Variants in DRAXIN observed in about 807,000 individuals in gnomAD.
DRAXIN encodes the protein dorsal inhibitory axon guidance protein.
DRAXIN carries 27 observed loss-of-function variants against 33.9 expected under a neutral mutation model. The observed-to-expected ratio is 0.80, with a 90% CI of 0.59 to 1.10. The LOEUF is 1.10. Ranked by LOEUF, DRAXIN falls within the 50% of genes least tolerant of loss-of-function variation. The pLI is 0.00. For synonymous variants in DRAXIN, 178 were observed against 194.0 expected (o/e 0.92, Z 0.69); for missense variants, 371 against 460.8 (o/e 0.81, Z 1.78).
At chr1:11,688,638 C>A (rs1252861535), upstream of DRAXIN, among the ~76,000 whole-genome samples, 1 of 152,100 alleles carries the variant, frequency 6.6e-6, no homozygotes, top group Non-Finnish European at 1.5e-5. This position sits in a 1 kb window ranked among gnomAD's most constrained non-coding sequence, Gnocchi z 4.6. Context: ...GCTCATGGTC[C>A]CTCTAAAAAG....
chr1:11,710,184 C>CA (rs34519157), intron 3 of DRAXIN, among the ~76,000 whole-genome samples: 291 of 122,450 alleles, frequency 2.4e-3, no homozygotes, highest in Non-Finnish European at 3.3e-3. Flanking sequence ...GACTTTGTCT[C>CA]AAAAAAAAAA....
chr1:11,712,173 T>A (rs908267641), intron 4 of DRAXIN, among the ~76,000 whole-genome samples, 167 bp from the exon 5 acceptor site: 1 of 152,136 alleles, frequency 6.6e-6, no homozygotes, highest in Non-Finnish European at 1.5e-5. Flanking sequence ...CACGCTTCCA[T>A]GTTTCCACTC....
chr1:11,687,108 T>C (rs1640971643), upstream of DRAXIN, among the ~76,000 whole-genome samples: 1 of 152,184 alleles, frequency 6.6e-6, no homozygotes, highest in Non-Finnish European at 1.5e-5. This position sits in a 1 kb window ranked among gnomAD's most constrained non-coding sequence, Gnocchi z 4.1. Context: ...CTCTGTCATC[T>C]AGGCTGGAGT....
chr1:11,698,049 C>G (rs1171448093), intron 1 of DRAXIN, among the ~76,000 whole-genome samples: 1 of 152,084 alleles, frequency 6.6e-6, no homozygotes, highest in Non-Finnish European at 1.5e-5. Flanking sequence ...ATACCCGGAA[C>G]ACCACCACCA....
rs1641097849 is a variant in DRAXIN at position 11,692,692 on chromosome 1, C to G, written c.-11+839C>G. Among the ~76,000 whole-genome samples, 1 of 152,186 alleles carries G rather than the reference C, an allele frequency of 6.6e-6. No homozygotes were observed. The highest frequency in any genetic ancestry group is 1.5e-5 in the Non-Finnish European group (1 of 68,038). The stretch of plus-strand genomic sequence containing the variant: ...GCCATCCTCTCCGCCCGGTGGTCTC[C>G]CCTGCCCTATATGCTCCCTCCACGC... On this transcript the variant is annotated intron_variant, in intron 1 of 6. Transcript: ENST00000294485. This position sits in a 1 kb window ranked among gnomAD's most constrained non-coding sequence, Gnocchi z 5.8.
At chr1:11,711,208 GT>G (rs1483607265) in intron 3 of DRAXIN, among the ~76,000 whole-genome samples, 1 of 152,244 alleles carries the variant, frequency 6.6e-6, no homozygotes, top group Non-Finnish European at 1.5e-5. Flanking sequence ...CCTTGAGATT[GT>G]GATAAAAGCT....
intron 1 of DRAXIN, among the ~76,000 whole-genome samples, chr1:11,702,096 C>G (rs1034152342): frequency 2.6e-4 from 19 of 73,572 alleles, no homozygotes; most frequent in Non-Finnish European, 1.8e-4. Flanking sequence ...CACACATGCT[C>G]TCACACACGC....
Position 11,700,827 on chromosome 1 carries a change from C to G in DRAXIN, c.-10-5422C>G, listed in dbSNP as rs55689115. On this transcript the variant is annotated intron_variant, in intron 1 of 6. Coordinates refer to ENST00000294485, the MANE Select transcript of DRAXIN (RefSeq NM_198545.4). ...CTTGGCCAGCCATGACTTGCTCCCCCCAACCCACTATGCAACAGGAAGGCC... is the reference window on the plus strand; with the variant it reads ...CTTGGCCAGCCATGACTTGCTCCCCGCAACCCACTATGCAACAGGAAGGCC... 3.5e-3 allele frequency among the ~76,000 whole-genome samples: 535 copies of G among 152,308 alleles called. 2 individuals carry two copies. Among genetic ancestry groups the G allele is most frequent in the African/African-American group, 0.012 (491 of 41,562 alleles).
chr1:11,699,772 C>G (rs1164266801), intron 1 of DRAXIN, among the ~76,000 whole-genome samples: 1 of 151,460 alleles, frequency 6.6e-6, no homozygotes, highest in Non-Finnish European at 1.5e-5. Context: ...ACTAAAAATA[C>G]AAGAATTAGC....
upstream of DRAXIN, among the ~76,000 whole-genome samples, chr1:11,687,308 C>T (rs556613586): frequency 2.0e-5 from 3 of 152,220 alleles, no homozygotes; most frequent in East Asian, 1.9e-4. The surrounding 1 kb of genome is among the most constrained non-coding windows in gnomAD (Gnocchi z 4.1). Flanking sequence ...GGTGCAATCT[C>T]GGCTCAATGA....
chr1:11,716,449 A>G (rs1641579236), intron 6 of DRAXIN, among the ~76,000 whole-genome samples: 1 of 152,230 alleles, frequency 6.6e-6, no homozygotes, highest in African/African-American at 2.4e-5. Context: ...AGTTCCATCC[A>G]ATATCAAATC....
At position 11,692,402 on chromosome 1, in the gene DRAXIN, G is replaced by A. The variant is rs1641089582; in HGVS notation, c.-11+549G>A. On this transcript the variant is annotated intron_variant, in intron 1 of 6. Transcript: ENST00000294485. This position sits in a 1 kb window ranked among gnomAD's most constrained non-coding sequence, Gnocchi z 5.8. ...GCTGGGGTGTGTGGCCGGGGTCGCT[G>A]AGTGCGCCCGGAACCAGCACCGCCG... is the stretch of plus-strand genomic sequence containing the variant. 1.3e-5 allele frequency among the ~76,000 whole-genome samples: 2 copies of A among 152,156 alleles called. No homozygotes were observed. The highest frequency in any genetic ancestry group is 4.8e-5 in the African/African-American group (2 of 41,424).
Position 11,692,951 on chromosome 1 carries a change from AG to A in DRAXIN, c.-11+1102del, listed in dbSNP as rs1285468785. 9.8e-6 allele frequency among the ~76,000 whole-genome samples: 1 copy of A among 102,534 alleles called. No individual in the cohort carries two copies. The highest frequency in any genetic ancestry group is 2.0e-5 in the Non-Finnish European group (1 of 48,928). The allele number at this position is 102,534 out of a possible 152,430, so 67.3% of individuals were successfully genotyped here. ...GTTCACACACCCTGTGGAGGAAGGG[AG>A]GGGAGGGGAGGGGAGTCTACAGACC... On this transcript the variant is annotated intron_variant, in intron 1 of 6. Transcript: ENST00000294485. This position sits in a 1 kb window ranked among gnomAD's most constrained non-coding sequence, Gnocchi z 5.8.
intron 1 of DRAXIN, among the ~76,000 whole-genome samples, chr1:11,701,715 G>C (rs1378513740): frequency 6.6e-6 from 1 of 152,128 alleles, no homozygotes; most frequent in Non-Finnish European, 1.5e-5. Flanking sequence ...AACCCGGGCC[G>C]GGCAGAACCG....
In DRAXIN at chr1:11,719,705, C is replaced by T. The variant is rs12117076; in HGVS notation, c.*9C>T. ...CCTTCATCAACGTCTAGCGGCCCCG[C>T]GGGACTGGGGACTGAGCCCAGGAGG... On this transcript the variant is annotated 3_prime_UTR_variant, in exon 7 of 7. Transcript: ENST00000294485. The T allele has an allele frequency of 0.31, 498,833 of 1,610,814 alleles. 82,287 individuals are homozygous for T. The highest frequency in any genetic ancestry group is 0.34 in the Non-Finnish European group (402,925 of 1,177,834).
intron 5 of DRAXIN, 121 bp from the exon 6 acceptor site, chr1:11,714,998 A>AC (rs1641553111): frequency 8.5e-7 from 1 of 1,178,858 alleles, no homozygotes; most frequent in South Asian, 1.3e-5. Flanking sequence ...CAGATGGCCC[A>AC]CCCCGCCAGG....
chr1:11,700,071 T>C (rs1044444502), intron 1 of DRAXIN, among the ~76,000 whole-genome samples: 3 of 152,086 alleles, frequency 2.0e-5, no homozygotes, highest in African/African-American at 7.2e-5. Flanking sequence ...ATCCTGTCTC[T>C]ATTAAAAACA....
rs187455405 is a variant in DRAXIN, at chr1:11,714,710, C to T, written c.848-409C>T. Among the ~76,000 whole-genome samples, 109 of 152,366 alleles carry T rather than the reference C, an allele frequency of 7.2e-4. 1 individual carries two copies. The East Asian group carries it at 0.019, about 26-fold the overall frequency. On this transcript the variant is annotated intron_variant, in intron 5 of 6. Transcript: ENST00000294485. The stretch of plus-strand genomic sequence containing the variant: ...CCGACTGGACAGTCGCTCTGGGAGC[C>T]GGCTCCATGGCAGGTGCCCAGGACT...
chr1:11,695,867 G>A (rs927094367), intron 1 of DRAXIN, among the ~76,000 whole-genome samples: 4 of 152,094 alleles, frequency 2.6e-5, no homozygotes, highest in Admixed American at 1.3e-4. Flanking sequence ...GCAGGTGAGC[G>A]GGGAATGCTG....
Sources: allele counts gnomAD v4.1 joint callset (sites outside exome capture counted in the v4.1 genomes callset), GRCh38; gene constraint gnomAD v4.1.1; non-coding constraint Gnocchi (gnomAD v3.1); transcripts MANE v1.5; gene names NCBI Gene and HGNC (gene_info 2026-07-23, HGNC 2026-07-21).